The following IFT172 variants were observed in gnomAD, a reference collection of about 807,000 sequenced individuals.
The protein encoded by IFT172 is intraflagellar transport 172, also known as intraflagellar transport protein 172 homolog.
IFT172 carries 164 observed loss-of-function variants against 248.9 expected under a neutral mutation model. The observed-to-expected ratio is 0.66, with a 90% CI of 0.58 to 0.75. The LOEUF is 0.75. Among genes scored for constraint, IFT172 ranks in the 30% least tolerant of loss-of-function variants. The pLI, the probability that IFT172 is intolerant of heterozygous loss-of-function variation, is 0.00. For missense variants in IFT172, 1,950 were observed against 2,192.4 expected, an observed-to-expected ratio of 0.89 and a Z score of 2.21; for synonymous variants, 729 against 791.6, an observed-to-expected ratio of 0.92 and a Z score of 1.33.
chr2:27,463,129 T>C lies in IFT172; in HGVS notation c.1990A>G (p.Asn664Asp), dbSNP rs1456264303. 1.9e-6 allele frequency: 3 copies of C among 1,614,060 alleles called. No homozygotes were observed. In the African/African-American group the frequency reaches 4.0e-5, roughly 22 times the overall value. ...VAKARFLHET[N>D]EIADQVSREY... Reference sequence around the variant, plus strand: ...CGGGATACTTGATCTGCAATCTCATTGGTCTCATGCAGGAATCGAGCTTTT... The same window carrying C: ...CGGGATACTTGATCTGCAATCTCATCGGTCTCATGCAGGAATCGAGCTTTT... The change falls in exon 19 of 48, where the codon AAT (asparagine) becomes GAT (aspartate). Residue 664 changes from asparagine to aspartate, a missense_variant. Physicochemically the swap from Asn to Asp is conservative, Grantham distance 23. This residue lies in a region of IFT172 where 1,166 missense variants were observed against 1,254.1 expected (regional missense o/e 0.93). Transcript: ENST00000260570.
At chr2:27,447,479 TCTGA>T (rs1482067878) in intron 42 of IFT172, 32 bp downstream of exon 42, 11 of 1,607,256 alleles carry the variant, frequency 6.8e-6, no homozygotes, top group Non-Finnish European at 9.4e-6. Context: ...GATGAGCCCT[TCTGA>T]CTGAGTGTTC....
intron 16 of IFT172, among the ~76,000 whole-genome samples, chr2:27,467,794 A>T (rs1667219780): frequency 6.6e-6 from 1 of 152,116 alleles, no homozygotes; most frequent in South Asian, 2.1e-4. Flanking sequence ...ATAACTAAGA[A>T]ACTTCCAAGA....
At position 27,444,406 on chromosome 2, in the gene IFT172, C is replaced by G; in HGVS notation, c.*26G>C. 2.1e-6 allele frequency: 3 copies of G among 1,432,408 alleles called. No homozygotes were observed. Among genetic ancestry groups the G allele is most frequent in the Non-Finnish European group, 2.9e-6 (3 of 1,019,006 alleles). The allele number at this position is 1,432,408 out of a possible 1,614,324, so 88.7% of individuals were successfully genotyped here. The stretch of plus-strand genomic sequence containing the variant: ...TTATAAAACTTTAATGAGGGAGAGG[C>G]CCTAACTCTTCCTCAGCTCTACCAA... On this transcript the variant is annotated 3_prime_UTR_variant, in exon 48 of 48. Coordinates refer to ENST00000260570, the MANE Select transcript of IFT172 (RefSeq NM_015662.3).
At chr2:27,458,011 C>G (rs1558374224) in intron 27 of IFT172, 35 bp from the exon 28 acceptor site, 6 of 1,613,962 alleles carry the variant, frequency 3.7e-6, no homozygotes, top group Non-Finnish European at 5.1e-6. Flanking sequence ...CCTCCTAGAC[C>G]CGACCCCTGC....
In IFT172 at chr2:27,444,682, T is replaced by C. The variant is rs1055686607; in HGVS notation, c.5161-161A>G. 2.6e-5 allele frequency among the ~76,000 whole-genome samples: 4 copies of C among 152,280 alleles called. No homozygotes were observed. In the East Asian group the frequency reaches 7.7e-4, roughly 29 times the overall value. On this transcript the variant is annotated intron_variant, in intron 47 of 47. Coordinates refer to ENST00000260570, the MANE Select transcript of IFT172 (RefSeq NM_015662.3). ...GTTTGTTTTGAGACAAAGTCTTGCT[T>C]TGTCGCCCAGGCTGGAGTGCAGTGG... is the stretch of plus-strand genomic sequence containing the variant.
intron 14 of IFT172, 91 bp from the exon 15 acceptor site, chr2:27,472,453 A>C: frequency 1.0e-6 from 1 of 952,532 alleles, no homozygotes. Context: ...GATGCCTAGG[A>C]AGCTAGGTCT....
At chr2:27,456,750 T>C (rs1189507282) in intron 29 of IFT172, 97 bp from the exon 30 acceptor site, 5 of 1,515,612 alleles carry the variant, frequency 3.3e-6, no homozygotes, top group East Asian at 4.6e-5. Flanking sequence ...CTGTTCTAAA[T>C]TGAACAGGAA....
chr2:27,445,712 A>G lies in IFT172; in HGVS notation c.4914+33T>C, dbSNP rs780924296. 8 of 1,609,410 alleles carry G rather than the reference A, an allele frequency of 5.0e-6. No individual in the cohort carries two copies. The highest frequency in any genetic ancestry group is 1.7e-4 in the Middle Eastern group (1 of 5,960). ...CCTCCTCAAGGCACTCACACTGGTGAGGCCTTCCGGTTTTCCAACCCTGTG... is the reference window on the plus strand; with the variant it reads ...CCTCCTCAAGGCACTCACACTGGTGGGGCCTTCCGGTTTTCCAACCCTGTG... On this transcript the variant is annotated intron_variant, in intron 45 of 47. Transcript: ENST00000260570. The surrounding 1 kb of genome is among the most constrained non-coding windows in gnomAD (Gnocchi z 4.4).
chr2:27,461,974 G>A, intron 20 of IFT172, 138 bp from the exon 21 acceptor site: 4 of 788,874 alleles, frequency 5.1e-6, no homozygotes, highest in Non-Finnish European at 8.2e-6. Flanking sequence ...CAGAAATACT[G>A]GGAAACTAAA....
intron 18 of IFT172, among the ~76,000 whole-genome samples, chr2:27,463,612 G>A (rs962838588): frequency 3.4e-5 from 5 of 147,978 alleles, no homozygotes; most frequent in South Asian, 2.1e-4. Context: ...TTCTTCTTCC[G>A]ATGTGGCTCA....
At position 27,457,929 on chromosome 2, in the gene IFT172, T is replaced by C. The variant is rs372047259; in HGVS notation, c.3023A>G (p.Lys1008Arg). ...CATGTCATCATACAACTTGTGCTTT[T>C]TGTACATGGTGATGGCAAGATCAGG... ...QEPDLAITMY[K>R]KHKLYDDMIR... The change falls in exon 28 of 48, where the codon AAA (lysine) becomes AGA (arginine). Residue 1008 changes from lysine (K) to arginine (R), a missense_variant. Lys to Arg is a conservative substitution (Grantham distance 26). This residue lies in a region of IFT172 where 164 missense variants were observed against 239.3 expected (regional missense o/e 0.69). Transcript: ENST00000260570. The C allele has an allele frequency of 6.2e-6, 10 of 1,614,202 alleles. No homozygotes were observed. The highest frequency in any genetic ancestry group is 1.3e-5 in the African/African-American group (1 of 75,052).
rs547973047 is a variant in IFT172, at chr2:27,461,513, T to G, written c.2198A>C (p.His733Pro). 1 of 1,613,784 alleles carries G rather than the reference T, an allele frequency of 6.2e-7. No homozygotes were observed. Among genetic ancestry groups the G allele is most frequent in the South Asian group, 1.1e-5 (1 of 91,070 alleles). ...ACGACGTAGCTTCTCCAGGGCTGGGTGCCCCTGGACATGCACAGAGGACAA... is the reference window on the plus strand; with the variant it reads ...ACGACGTAGCTTCTCCAGGGCTGGGGGCCCCTGGACATGCACAGAGGACAA... ...ECIAVAEAKG[H>P]PALEKLRRSY... The change falls in exon 22 of 48, where the codon CAC becomes CCC. Residue 733 changes from histidine to proline, a missense_variant. Physicochemically the swap from His to Pro is moderately conservative, Grantham distance 77 (BLOSUM62 -2). Around this residue, in one of 3 missense-constraint regions of IFT172, gnomAD observed 1,166 missense variants for 1,254.1 expected, o/e 0.93. Transcript: ENST00000260570.
In IFT172 at chr2:27,446,275, T is replaced by G. The variant is rs1420757059; in HGVS notation, c.4740A>C (p.Ala1580=). The G allele has an allele frequency of 6.2e-7, 1 of 1,614,118 alleles. No individual in the cohort carries two copies. Among genetic ancestry groups the G allele is most frequent in the Non-Finnish European group, 8.5e-7 (1 of 1,180,040 alleles). Residue 1580 remains alanine, a synonymous_variant, in exon 43 of 48, where the codon GCA becomes GCC. Transcript: ENST00000260570. ...CCCAGCTCACCTTGGCAGCAATGCC[T>G]GCTTCATAGAAGGCTTTGTCTACAG... ...LLPVDKAFYE[A]GIAAKAVGWD... is the part of the protein sequence containing the mutation.
chr2:27,489,313 C>T (rs1450914642), intron 1 of IFT172, among the ~76,000 whole-genome samples: 1 of 152,178 alleles, frequency 6.6e-6, no homozygotes, highest in Non-Finnish European at 1.5e-5. Flanking sequence ...TACATGTGCA[C>T]CTCACCCTCT....
intron 20 of IFT172, 138 bp downstream of exon 20, chr2:27,462,563 A>G: frequency 1.4e-6 from 1 of 713,888 alleles, no homozygotes; most frequent in Non-Finnish European, 2.4e-6. Context: ...AATTAACTAT[A>G]TAAACCCCTT....
Position 27,471,171 on chromosome 2 carries a change from T to C in IFT172, c.1525-76A>G, listed in dbSNP as rs1049831399. 66 of 1,384,726 alleles carry C rather than the reference T, an allele frequency of 4.8e-5. No individual in the cohort carries two copies. In the East Asian group the frequency reaches 1.5e-3, roughly 31 times the overall value. The allele number at this position is 1,384,726 out of a possible 1,614,324, so 85.8% of individuals were successfully genotyped here. On this transcript the variant is annotated intron_variant, in intron 15 of 47. Transcript: ENST00000260570. ...CTCCTGCTTTTGACCATTTTCCTAA[T>C]GGTGAGATGTGGTGAGCTAACCCAC...
Position 27,481,771 on chromosome 2 carries a change from C to T in IFT172, c.571-511G>A, listed in dbSNP as rs1226301940. 2.6e-5 allele frequency among the ~76,000 whole-genome samples: 4 copies of T among 151,850 alleles called. No individual in the cohort carries two copies. In the East Asian group the frequency reaches 5.9e-4, roughly 22 times the overall value. On this transcript the variant is annotated intron_variant, in intron 7 of 47. Transcript: ENST00000260570. Reference sequence around the variant, plus strand: ...GGTCAGGCTGGTCTCGAACTCCTGACCTTGTGATCAGCCCGTCTCAGCCTC... The same window carrying T: ...GGTCAGGCTGGTCTCGAACTCCTGATCTTGTGATCAGCCCGTCTCAGCCTC...
At position 27,485,517 on chromosome 2, in the gene IFT172, G is replaced by C. The variant is rs1482266440; in HGVS notation, c.40-14C>G. On this transcript the variant is annotated splice_polypyrimidine_tract_variant and intron_variant, in intron 1 of 47. Coordinates refer to ENST00000260570, the MANE Select transcript of IFT172 (RefSeq NM_015662.3). ...TGCAGCTCCATCCTGTAGAGGCAAA[G>C]GGGTAAAAACAAACCCATGTGCTGG... 1 of 1,613,878 alleles carries C rather than the reference G, an allele frequency of 6.2e-7. No individual in the cohort carries two copies. The highest frequency in any genetic ancestry group is 8.5e-7 in the Non-Finnish European group (1 of 1,179,836).
In IFT172 at chr2:27,454,725, A is replaced by G; in HGVS notation, c.3372-65T>C. The G allele has an allele frequency of 1.5e-6, 2 of 1,367,550 alleles. No individual in the cohort carries two copies. The highest frequency in any genetic ancestry group is 1.2e-5 in the South Asian group (1 of 83,948). 84.7% of individuals were successfully genotyped at this position (1,367,550 alleles called of 1,614,324 possible). On this transcript the variant is annotated intron_variant, in intron 30 of 47. Transcript: ENST00000260570. This position sits in a 1 kb window ranked among gnomAD's most constrained non-coding sequence, Gnocchi z 4.2. ...CTTCCCTTCATAAAAGGAACAAGAC[A>G]AAACAGAGAAAGGACAGAGTTGAGG...
Sources: allele counts gnomAD v4.1 joint callset (sites outside exome capture counted in the v4.1 genomes callset), GRCh38; gene constraint gnomAD v4.1.1; regional missense constraint gnomAD v4.1.1; non-coding constraint Gnocchi (gnomAD v3.1); transcripts MANE v1.5; gene names NCBI Gene and HGNC (gene_info 2026-07-23, HGNC 2026-07-21).